The following CSMD2 variants were observed in gnomAD, a reference collection of about 807,000 sequenced individuals.
The protein encoded by CSMD2 is CUB and sushi domain-containing protein 2.
A neutral mutation model predicts 398.5 loss-of-function variants in CSMD2; 130 were observed. The observed-to-expected ratio is 0.33, with a 90% confidence interval of 0.28 to 0.38. The LOEUF is 0.38. Ranked by LOEUF, CSMD2 falls within the 10% of genes least tolerant of loss-of-function variation. The probability of loss-of-function intolerance (pLI) is 1.00; values close to 1 mark genes in which losing one functional copy is unlikely to be tolerated. For synonymous variants in CSMD2, 1,828 were observed against 1,908.5 expected (o/e 0.96, Z 1.10); for missense variants, 3,829 against 4,764.9 (o/e 0.80, Z 5.78).
intron 1 of CSMD2, among the ~76,000 whole-genome samples, chr1:34,119,191 ATGT>A (rs978602608): frequency 6.6e-5 from 10 of 152,338 alleles, no homozygotes; most frequent in African/African-American, 2.4e-4. Flanking sequence ...TCTTTAACAA[ATGT>A]TGTTGGGAAA....
At chr1:34,027,858 AT>A (rs1649861736) in intron 3 of CSMD2, among the ~76,000 whole-genome samples, 1 of 3,676 alleles carries the variant, frequency 2.7e-4, no homozygotes, top group African/African-American at 3.9e-4. Flanking sequence ...ACAGCCCTAC[AT>A]GGGCAGACAG....
intron 10 of CSMD2, among the ~76,000 whole-genome samples, chr1:33,797,086 T>C (rs922312121): frequency 6.6e-6 from 1 of 152,244 alleles, no homozygotes; most frequent in African/African-American, 2.4e-5. Context: ...CAGCTGAACA[T>C]AGACCCTTAT....
chr1:33,735,905 G>C (rs1356722477), intron 15 of CSMD2, among the ~76,000 whole-genome samples: 1 of 152,230 alleles, frequency 6.6e-6, no homozygotes, highest in Admixed American at 6.5e-5. Flanking sequence ...CAAAAGGAGG[G>C]AGAGGAGCCA....
chr1:33,806,743 C>G (rs113986156), intron 10 of CSMD2, among the ~76,000 whole-genome samples: 1 of 152,152 alleles, frequency 6.6e-6, no homozygotes, highest in African/African-American at 2.4e-5. Context: ...AATAGGGCTT[C>G]ATAAAGTGCA....
chr1:33,565,292 T>A (rs1357636585), intron 53 of CSMD2, among the ~76,000 whole-genome samples: 1 of 152,124 alleles, frequency 6.6e-6, no homozygotes, highest in Non-Finnish European at 1.5e-5. Flanking sequence ...TGTGTGATTC[T>A]CCCTCATTGC....
chr1:33,889,753 C>CTGTGTGTG (rs55771161), intron 5 of CSMD2, among the ~76,000 whole-genome samples: 5,747 of 148,116 alleles, frequency 0.039, 111 homozygotes, highest in Middle Eastern at 0.07. Flanking sequence ...ACCTCCTATC[C>CTGTGTGTG]TGTGTGTGTG....
chr1:33,952,699 CACAT>C (rs1458662460), intron 3 of CSMD2, among the ~76,000 whole-genome samples: 1 of 137,204 alleles, frequency 7.3e-6, no homozygotes, highest in African/African-American at 3.7e-5. Flanking sequence ...CACACACACA[CACAT>C]GCACACACAC....
At chr1:34,118,885 A>G (rs1431345015) in intron 1 of CSMD2, among the ~76,000 whole-genome samples, 1 of 152,216 alleles carries the variant, frequency 6.6e-6, no homozygotes, top group Non-Finnish European at 1.5e-5. Context: ...TGCAATCCCT[A>G]TCAAAACCCC....
intron 44 of CSMD2, among the ~76,000 whole-genome samples, chr1:33,590,595 T>TCACACACA (rs10611040): frequency 0.073 from 9,998 of 137,564 alleles, 442 homozygotes; most frequent in Middle Eastern, 0.13. Context: ...CTATTTCCCA[T>TCACACACA]CACACACACA....
chr1:33,600,709 T>C, intron 44 of CSMD2, 156 bp downstream of exon 44: 1 of 713,060 alleles, frequency 1.4e-6, no homozygotes, highest in East Asian at 2.7e-5. Flanking sequence ...CATAGGCTAA[T>C]ACATTTAATT....
intron 1 of CSMD2, among the ~76,000 whole-genome samples, chr1:34,112,116 G>C (rs1661158655): frequency 6.6e-6 from 1 of 152,110 alleles, no homozygotes; most frequent in Non-Finnish European, 1.5e-5. Flanking sequence ...GGGAGTAGTA[G>C]AGAAATGTAC....
rs527298114 is a variant in CSMD2, at chr1:33,536,942, A to G, written c.9879+80T>C. On this transcript the variant is annotated intron_variant, in intron 62 of 70. Transcript: ENST00000373381. ...TCCTCCCTGAGTGCTGTCCTGAGGA[A>G]GGTCTCTGGGTCCTCTTATGTTGAC... 8.1e-6 allele frequency: 11 copies of G among 1,362,450 alleles called. No individual in the cohort carries two copies. In the African/African-American group the frequency reaches 1.4e-4, roughly 18 times the overall value. The allele number at this position is 1,362,450 out of a possible 1,614,324, so 84.4% of individuals were successfully genotyped here. A position where few individuals can be genotyped will look rare whatever the true frequency, so the allele number is the denominator to read the frequency against.
chr1:33,831,389 G>T (rs1659538195), intron 6 of CSMD2, among the ~76,000 whole-genome samples: 1 of 152,178 alleles, frequency 6.6e-6, no homozygotes, highest in African/African-American at 2.4e-5. Context: ...TTTCAACCCA[G>T]AATTTCATAT....
chr1:33,762,856 G>A (rs891039656), intron 13 of CSMD2, among the ~76,000 whole-genome samples: 3 of 152,168 alleles, frequency 2.0e-5, no homozygotes, highest in African/African-American at 7.2e-5. Flanking sequence ...GGTGCTGAGT[G>A]TAATGGCCAG....
intron 21 of CSMD2, among the ~76,000 whole-genome samples, chr1:33,714,380 G>A (rs1434062359): frequency 1.3e-5 from 2 of 152,234 alleles, no homozygotes; most frequent in Non-Finnish European, 2.9e-5. Context: ...GCCTGATGAA[G>A]CAGGGATTGC....
chr1:33,678,782 A>C (rs965572173), intron 25 of CSMD2, among the ~76,000 whole-genome samples: 10 of 152,196 alleles, frequency 6.6e-5, no homozygotes, highest in Non-Finnish European at 1.5e-4. Flanking sequence ...CCAAAGCCCA[A>C]ATCCAGCATT....
intron 1 of CSMD2, among the ~76,000 whole-genome samples, chr1:34,157,011 C>G (rs1640870238): frequency 6.6e-6 from 1 of 152,128 alleles, no homozygotes; most frequent in Non-Finnish European, 1.5e-5. Flanking sequence ...AGGGTAGGCA[C>G]AATGTCTTTC....
chr1:33,686,221 A>G (rs1645058068), intron 25 of CSMD2, among the ~76,000 whole-genome samples: 1 of 152,172 alleles, frequency 6.6e-6, no homozygotes, highest in Non-Finnish European at 1.5e-5. Context: ...TTTTCATCTG[A>G]GCTCGCCCAC....
At chr1:33,910,047 T>G (rs1643362698) in intron 5 of CSMD2, among the ~76,000 whole-genome samples, 1 of 152,148 alleles carries the variant, frequency 6.6e-6, no homozygotes, top group Admixed American at 6.5e-5. Flanking sequence ...TCTCTACCCC[T>G]TCATAGCTGC....
Sources: allele counts gnomAD v4.1 joint callset (sites outside exome capture counted in the v4.1 genomes callset), GRCh38; gene constraint gnomAD v4.1.1; transcripts MANE v1.5; gene names NCBI Gene and HGNC (gene_info 2026-07-23, HGNC 2026-07-21).